The following ZC3H11A variants were observed in gnomAD, a reference collection of about 807,000 sequenced individuals.
ZC3H11A encodes the protein zinc finger CCCH-type containing 11A.
A neutral mutation model predicts 90.8 loss-of-function variants in ZC3H11A; 22 were observed. The ratio of observed to expected loss-of-function variants is 0.24; its 90% confidence interval spans 0.17 to 0.35. The LOEUF (loss-of-function observed/expected upper bound fraction) is 0.35, where lower values mean the gene tolerates loss of function less well. Among genes scored for constraint, ZC3H11A ranks in the 10% least tolerant of loss-of-function variants. ZC3H11A has a pLI of 1.00. For synonymous variants in ZC3H11A, 294 were observed against 339.8 expected (o/e 0.87, Z 1.48); for missense variants, 701 against 964.9 (o/e 0.73, Z 3.62).
At chr1:203,844,420 T>C (rs1377608629) in intron 12 of ZC3H11A, among the ~76,000 whole-genome samples, 4 of 152,174 alleles carry the variant, frequency 2.6e-5, no homozygotes, top group Non-Finnish European at 4.4e-5. Flanking sequence ...CTGCCTGCCT[T>C]GGCCTCCCAA....
intron 2 of ZC3H11A, among the ~76,000 whole-genome samples, chr1:203,810,010 C>CT (rs537617107): frequency 2.6e-5 from 4 of 151,340 alleles, no homozygotes; most frequent in Non-Finnish European, 4.4e-5. Flanking sequence ...AACCTAGATA[C>CT]TTTTTTTTTC....
intron 2 of ZC3H11A, chr1:203,806,077 G>C: frequency 3.9e-6 from 2 of 508,254 alleles, no homozygotes; most frequent in South Asian, 3.1e-5. Context: ...AACTCGCAAG[G>C]CTTTCTGCGT....
chr1:203,815,272 T>C (rs1232623798), intron 2 of ZC3H11A, among the ~76,000 whole-genome samples: 2 of 140,040 alleles, frequency 1.4e-5, no homozygotes, highest in Non-Finnish European at 3.0e-5. Flanking sequence ...TGGAGTGCAG[T>C]GGCGCAATGT....
At position 203,830,166 on chromosome 1, in the gene ZC3H11A, G is replaced by A; in HGVS notation, c.663G>A (p.Lys221=). 6.3e-7 allele frequency: 1 copy of A among 1,599,030 alleles called. No homozygotes were observed. Among genetic ancestry groups the A allele is most frequent in the Non-Finnish European group, 8.5e-7 (1 of 1,176,498 alleles). ...NFGIKTLEEI[K]SKKMKEKSKK... ...GAATAAAAACTCTTGAGGAAATTAA[G>A]TCAAAGAAAATGAAGGAAAAATCTA... is the stretch of plus-strand genomic sequence containing the variant. The change falls in exon 8 of 18, where the codon AAG becomes AAA. Residue 221 remains lysine, a synonymous_variant. Coordinates refer to ENST00000367210, the MANE Select transcript of ZC3H11A (RefSeq NM_001376342.1).
chr1:203,832,822 G>C (rs72745774), intron 9 of ZC3H11A, among the ~76,000 whole-genome samples: 1 of 152,310 alleles, frequency 6.6e-6, no homozygotes, highest in African/African-American at 2.4e-5. Flanking sequence ...AGTTAACATC[G>C]GAGTAGAGTA....
chr1:203,828,878 CT>C (rs1253401189), intron 5 of ZC3H11A, among the ~76,000 whole-genome samples: 1 of 152,168 alleles, frequency 6.6e-6, no homozygotes, highest in African/African-American at 2.4e-5. Flanking sequence ...TTAACTGGCT[CT>C]TTACAGAAAA....
At chr1:203,835,727 G>A in intron 10 of ZC3H11A, 1 of 252,136 alleles carries the variant, frequency 4.0e-6, no homozygotes, top group Non-Finnish European at 8.6e-6. Flanking sequence ...TGTTTGGTTT[G>A]CCACCAGGAG....
intron 2 of ZC3H11A, among the ~76,000 whole-genome samples, chr1:203,805,259 G>C (rs1159576433): frequency 1.3e-5 from 2 of 150,190 alleles, no homozygotes; most frequent in Non-Finnish European, 3.0e-5. Flanking sequence ...TCAGTCTCCC[G>C]AGAGTAGGAC....
intron 12 of ZC3H11A, among the ~76,000 whole-genome samples, chr1:203,841,134 A>C (rs1686010188): frequency 6.7e-6 from 1 of 150,102 alleles, no homozygotes. Context: ...TTAGGGCAAC[A>C]TAAGAATCTT....
chr1:203,806,849 C>CTTTTTTTTTTTTTTTTTT (rs1672540861), intron 2 of ZC3H11A, among the ~76,000 whole-genome samples: 1 of 35,942 alleles, frequency 2.8e-5, no homozygotes, highest in Non-Finnish European at 6.0e-5. Flanking sequence ...TTTTTTTTTG[C>CTTTTTTTTTTTTTTTTTT]TATTTTACTT....
At chr1:203,841,544 T>C (rs1686205224) in intron 12 of ZC3H11A, among the ~76,000 whole-genome samples, 1 of 152,248 alleles carries the variant, frequency 6.6e-6, no homozygotes, top group Non-Finnish European at 1.5e-5. Flanking sequence ...GAGTCTCCCA[T>C]GTCTACTTCT....
At chr1:203,846,738 C>T (rs1688004945) in intron 12 of ZC3H11A, among the ~76,000 whole-genome samples, 1 of 152,178 alleles carries the variant, frequency 6.6e-6, no homozygotes, top group Non-Finnish European at 1.5e-5. Flanking sequence ...AAATGGCTTT[C>T]AGTTTCTGAA....
At chr1:203,836,468 G>A (rs1193104264) in intron 10 of ZC3H11A, among the ~76,000 whole-genome samples, 2 of 152,152 alleles carry the variant, frequency 1.3e-5, no homozygotes, top group Non-Finnish European at 2.9e-5. Flanking sequence ...AAAACTAGAA[G>A]GCTGGGCGCG....
At chr1:203,806,910 T>C (rs1672584972) in intron 2 of ZC3H11A, among the ~76,000 whole-genome samples, 1 of 150,302 alleles carries the variant, frequency 6.7e-6, no homozygotes, top group Non-Finnish European at 1.5e-5. Flanking sequence ...ATTTTTTCTT[T>C]TTTGAAGTCT....
At chr1:203,816,730 C>T (rs919269270) in intron 2 of ZC3H11A, among the ~76,000 whole-genome samples, 196 bp from the exon 3 acceptor site, 4 of 152,108 alleles carry the variant, frequency 2.6e-5, no homozygotes, top group Admixed American at 2.6e-4. Context: ...AAAAGAAGGG[C>T]ATGGCCTTTC....
At chr1:203,832,706 TTATAGA>T (rs966715071) in intron 9 of ZC3H11A, among the ~76,000 whole-genome samples, 23 of 152,158 alleles carry the variant, frequency 1.5e-4, no homozygotes, top group African/African-American at 5.1e-4. Context: ...TAATAAGGAA[TTATAGA>T]TATAGATATA....
intron 10 of ZC3H11A, among the ~76,000 whole-genome samples, chr1:203,834,509 T>C (rs1683570139): frequency 6.6e-6 from 1 of 152,146 alleles, no homozygotes; most frequent in Non-Finnish European, 1.5e-5. Context: ...TGGGCTCAAG[T>C]GATCTGTCGG....
chr1:203,834,420 C>T (rs543200813), intron 10 of ZC3H11A, among the ~76,000 whole-genome samples: 1 of 151,488 alleles, frequency 6.6e-6, no homozygotes, highest in South Asian at 2.1e-4. Context: ...CATAGGCCTA[C>T]ACCACCATAC....
rs1295656148 is a variant in ZC3H11A at position 203,804,309 on chromosome 1, G to A, written c.-146+1293G>A. 3.3e-5 allele frequency among the ~76,000 whole-genome samples: 5 copies of A among 151,850 alleles called. No individual in the cohort carries two copies. The South Asian group carries it at 6.2e-4, about 19-fold the overall frequency. Reference sequence around the variant, plus strand: ...TGGGACTACAGGCACCCGCCACCTCGCCTGGCTAACTTTTTTGTATTTTTA... The same window carrying A: ...TGGGACTACAGGCACCCGCCACCTCACCTGGCTAACTTTTTTGTATTTTTA... On this transcript the variant is annotated intron_variant, in intron 2 of 17. Transcript: ENST00000367210.
Sources: allele counts gnomAD v4.1 joint callset (sites outside exome capture counted in the v4.1 genomes callset), GRCh38; gene constraint gnomAD v4.1.1; transcripts MANE v1.5; gene names NCBI Gene and HGNC (gene_info 2026-07-23, HGNC 2026-07-21).